HDAC11: variants seen among roughly 807,000 people sequenced by gnomAD.
HDAC11 encodes the protein histone deacetylase 11.
A neutral mutation model predicts 41.1 loss-of-function variants in HDAC11; 23 were observed. That is an observed-to-expected ratio of 0.56 (90% confidence interval 0.40 to 0.79). The LOEUF is 0.79. Among genes scored for constraint, HDAC11 ranks in the 30% least tolerant of loss-of-function variants. HDAC11 has a pLI of 0.00. For synonymous variants in HDAC11, 187 were observed against 186.6 expected (o/e 1.00, Z -0.02); for missense variants, 402 against 477.3 (o/e 0.84, Z 1.47).
At position 13,481,282 on chromosome 3, in the gene HDAC11, G is replaced by C; in HGVS notation, c.39G>C (p.Glu13Asp). ...CCCAGCTGTACCAGCATGTGCCAGAGACACGCTGGCCAATCGTGTACTCGC... is the reference window on the plus strand; with the variant it reads ...CCCAGCTGTACCAGCATGTGCCAGACACACGCTGGCCAATCGTGTACTCGC... ...HTTQLYQHVP[E>D]TRWPIVYSPR... is the part of the protein sequence containing the mutation. The change falls in exon 2 of 10, where the codon GAG (glutamate) becomes GAC (aspartate). Residue 13 changes from glutamate (E) to aspartate (D), a missense_variant. Glu to Asp is a conservative substitution (Grantham distance 45). Coordinates refer to ENST00000295757, the MANE Select transcript of HDAC11 (RefSeq NM_024827.4). 1 of 1,612,674 alleles carries C rather than the reference G, an allele frequency of 6.2e-7. No homozygotes were observed. The highest frequency in any genetic ancestry group is 8.5e-7 in the Non-Finnish European group (1 of 1,179,986).
intron 3 of HDAC11, among the ~76,000 whole-genome samples, chr3:13,493,298 C>G (rs1281081269): frequency 6.6e-6 from 1 of 152,152 alleles, no homozygotes; most frequent in Non-Finnish European, 1.5e-5. Context: ...AGAGCCTGCT[C>G]TAGCCCAGGC....
chr3:13,500,704 CT>C lies in HDAC11; in HGVS notation c.413-7del. The C allele has an allele frequency of 6.3e-7, 1 of 1,583,478 alleles. No homozygotes were observed. On this transcript the variant is annotated splice_polypyrimidine_tract_variant and splice_region_variant and intron_variant, in intron 5 of 9. Coordinates refer to ENST00000295757, the MANE Select transcript of HDAC11 (RefSeq NM_024827.4). ...GCTCTGAGCAGCACCGCTCTCTGCC[CT>C]TCCGCAGGGGGTGGCTTCCACCACT...
At chr3:13,489,677 C>G (rs1701756722) in intron 3 of HDAC11, among the ~76,000 whole-genome samples, 1 of 152,170 alleles carries the variant, frequency 6.6e-6, no homozygotes, top group African/African-American at 2.4e-5. Flanking sequence ...AGCAATTCTC[C>G]CATCTCAGCC....
At chr3:13,490,374 T>C (rs1701794558) in intron 3 of HDAC11, among the ~76,000 whole-genome samples, 1 of 152,130 alleles carries the variant, frequency 6.6e-6, no homozygotes. Flanking sequence ...CTTCCATTTT[T>C]TGCAAAAAAG....
chr3:13,501,317 C>A (rs1325589565), intron 6 of HDAC11, among the ~76,000 whole-genome samples: 1 of 152,222 alleles, frequency 6.6e-6, no homozygotes, highest in African/African-American at 2.4e-5. Flanking sequence ...TGTGCCTGGC[C>A]TTGTGCTGGG....
At chr3:13,497,029 ACATCAGAATTCTCTT>A (rs1253286414) in intron 4 of HDAC11, among the ~76,000 whole-genome samples, 177 bp downstream of exon 4, 1 of 152,126 alleles carries the variant, frequency 6.6e-6, no homozygotes, top group East Asian at 1.9e-4. Context: ...CCATCTTGGG[ACATCAGAATTCTCTT>A]CTCATCGTTC....
chr3:13,480,401 C>CG lies in HDAC11; in HGVS notation c.2+55dup. The stretch of plus-strand genomic sequence containing the variant: ...GTGGGCTCCCAGGGGTCCCGGTGGG[C>CG]GGGCGCGCTAGGGCGAGGGCGGGGA... On this transcript the variant is annotated intron_variant, in intron 1 of 9. Transcript: ENST00000295757. This position sits in a 1 kb window ranked among gnomAD's most constrained non-coding sequence, Gnocchi z 4.6. 1 of 1,011,846 alleles carries CG rather than the reference C, an allele frequency of 9.9e-7. No homozygotes were observed. The allele number at this position is 1,011,846 out of a possible 1,614,324, so 62.7% of individuals were successfully genotyped here.
chr3:13,496,754 A>G lies in HDAC11; in HGVS notation c.271A>G (p.Thr91Ala), dbSNP rs369813335. 1.9e-6 allele frequency: 3 copies of G among 1,605,752 alleles called. No homozygotes were observed. Among genetic ancestry groups the G allele is most frequent in the Admixed American group, 3.4e-5 (2 of 59,000 alleles). The change falls in exon 4 of 10, where the codon ACC (threonine) becomes GCC (alanine). Residue 91 changes from threonine (T) to alanine (A), a missense_variant. Coordinates refer to ENST00000295757, the MANE Select transcript of HDAC11 (RefSeq NM_024827.4). ...TCCGCAGTGGTCCTTTGCTGTTGCTACCATCACAGAAATCCCCCCCGTTAT... is the reference window on the plus strand; with the variant it reads ...TCCGCAGTGGTCCTTTGCTGTTGCTGCCATCACAGAAATCCCCCCCGTTAT... ...NELKWSFAVA[T>A]ITEIPPVIFL...
chr3:13,480,427 C>G lies in HDAC11; in HGVS notation c.2+78C>G, dbSNP rs1701249309. ...GGGCGCGCTAGGGCGAGGGCGGGGA[C>G]GGCCGGGCGGGCGCGCCAGGTAAGG... On this transcript the variant is annotated intron_variant, in intron 1 of 9. Coordinates refer to ENST00000295757, the MANE Select transcript of HDAC11 (RefSeq NM_024827.4). The surrounding 1 kb of genome is among the most constrained non-coding windows in gnomAD (Gnocchi z 4.6). 2 of 920,310 alleles carry G rather than the reference C, an allele frequency of 2.2e-6. No individual in the cohort carries two copies. Among genetic ancestry groups the G allele is most frequent in the Admixed American group, 4.6e-5 (1 of 21,648 alleles). 57.0% of individuals were successfully genotyped at this position (920,310 alleles called of 1,614,324 possible).
At chr3:13,481,204 G>T in intron 1 of HDAC11, 42 bp from the exon 2 acceptor site, 1 of 1,591,468 alleles carries the variant, frequency 6.3e-7, no homozygotes, top group Non-Finnish European at 8.6e-7. Context: ...GCTTTCTGCC[G>T]AGGCTGCCCC....
intron 3 of HDAC11, among the ~76,000 whole-genome samples, chr3:13,495,868 C>T (rs886398485): frequency 7.2e-5 from 11 of 152,344 alleles, no homozygotes; most frequent in Admixed American, 3.3e-4. Flanking sequence ...ATAACCCCCA[C>T]CCAGTTCTCC....
At chr3:13,503,024 A>G (rs1422876759) in intron 8 of HDAC11, 44 bp downstream of exon 8, 4 of 1,459,988 alleles carry the variant, frequency 2.7e-6, no homozygotes, top group Non-Finnish European at 3.8e-6. Context: ...GTCCTTGTGG[A>G]TGAGGCTCTC....
chr3:13,485,841 G>C (rs1701535542), intron 3 of HDAC11, among the ~76,000 whole-genome samples: 1 of 152,070 alleles, frequency 6.6e-6, no homozygotes, highest in Non-Finnish European at 1.5e-5. Context: ...CTGAGGTTGA[G>C]GGTAGGAGGA....
chr3:13,481,964 C>T (rs534030761), intron 2 of HDAC11, among the ~76,000 whole-genome samples: 130 of 152,300 alleles, frequency 8.5e-4, no homozygotes, highest in African/African-American at 3.1e-3. Flanking sequence ...CCACCACACC[C>T]GGCCCTGATT....
intron 5 of HDAC11, among the ~76,000 whole-genome samples, chr3:13,499,670 G>A (rs1330960703): frequency 6.6e-6 from 1 of 152,200 alleles, no homozygotes; most frequent in Non-Finnish European, 1.5e-5. Flanking sequence ...TGCAGGGGCT[G>A]GGTCTCTTCC....
chr3:13,487,061 C>T (rs1055119187), intron 3 of HDAC11, among the ~76,000 whole-genome samples: 8 of 152,170 alleles, frequency 5.3e-5, no homozygotes, highest in South Asian at 4.2e-4. Flanking sequence ...TCTTGCAGGC[C>T]GTGGGAGGAG....
Position 13,502,571 on chromosome 3 carries a change from A to G in HDAC11, c.553-313A>G, listed in dbSNP as rs1248347728. Reference sequence around the variant, plus strand: ...CCAGGTCACATGTGGACAGTCCTTTACAGTTTGCTTTTCACATCCCTGATC... The same window carrying G: ...CCAGGTCACATGTGGACAGTCCTTTGCAGTTTGCTTTTCACATCCCTGATC... On this transcript the variant is annotated intron_variant, in intron 7 of 9. Transcript: ENST00000295757. The surrounding 1 kb of genome is among the most constrained non-coding windows in gnomAD (Gnocchi z 4.1). 6.6e-6 allele frequency: 2 copies of G among 302,048 alleles called. No homozygotes were observed. Among genetic ancestry groups the G allele is most frequent in the Non-Finnish European group, 1.3e-5 (2 of 157,812 alleles). 18.7% of individuals were successfully genotyped at this position (302,048 alleles called of 1,614,324 possible).
chr3:13,504,120 G>T lies in HDAC11; in HGVS notation c.676G>T (p.Glu226Ter). 1 of 1,614,066 alleles carries T rather than the reference G, an allele frequency of 6.2e-7. No individual in the cohort carries two copies. Among genetic ancestry groups the T allele is most frequent in the Middle Eastern group, 1.6e-4 (1 of 6,062 alleles). The change falls in exon 9 of 10, where the codon GAG (glutamate) becomes TAG (stop). Residue 226 changes from glutamate (E) to a stop codon, truncating the protein, a stop_gained. Coordinates refer to ENST00000295757, the MANE Select transcript of HDAC11 (RefSeq NM_024827.4). LOFTEE classifies it high-confidence loss of function. ...KQAIRRKVEL[E>*]WGTEDDEYLD... Reference sequence around the variant, plus strand: ...GGCCATCAGGCGGAAGGTGGAGCTGGAGTGGGGCACAGAGGATGATGAGTA... The same window carrying T: ...GGCCATCAGGCGGAAGGTGGAGCTGTAGTGGGGCACAGAGGATGATGAGTA...
chr3:13,483,182 G>T (rs1206906560), intron 2 of HDAC11, among the ~76,000 whole-genome samples: 3 of 152,188 alleles, frequency 2.0e-5, no homozygotes, highest in East Asian at 3.9e-4. Flanking sequence ...GCTCCTGAAG[G>T]TTGTCTAGCA....
Sources: gnomAD v4.1 joint callset for allele counts (sites outside exome capture counted in the v4.1 genomes callset) on GRCh38, gnomAD v4.1.1 for gene constraint, Gnocchi (gnomAD v3.1) non-coding constraint, MANE v1.5 for transcripts, NCBI Gene and HGNC (gene_info 2026-07-23, HGNC 2026-07-21) for gene names.